Variants in ZNF648 observed in about 807,000 individuals in gnomAD.
The protein encoded by ZNF648 is zinc finger protein 648.
In ZNF648, 1 loss-of-function variant was observed where a neutral mutation model predicts 0.3. The observed-to-expected ratio is 3.90, with a 90% CI of 1.39 to 18.51. The LOEUF (loss-of-function observed/expected upper bound fraction) is 18.51, where lower values mean the gene tolerates loss of function less well. Among genes scored for constraint, ZNF648 ranks in the 30% most tolerant of loss-of-function variants. The probability of loss-of-function intolerance (pLI) is 0.11; values close to 1 mark genes in which losing one functional copy is unlikely to be tolerated. For synonymous variants in ZNF648, 376 were observed against 326.8 expected (o/e 1.15, Z -1.62); for missense variants, 874 against 769.7 (o/e 1.14, Z -1.60).
Position 182,057,707 on chromosome 1 carries a change from T to A in ZNF648, c.304A>T (p.Ser102Cys). Residue 102 changes from serine (S) to cysteine (C), a missense_variant, in exon 2 of 2, where the codon AGT becomes TGT. Transcript: ENST00000339948. The part of the protein sequence containing the change: ...QKPVEMSGKA[S>C]WSRDVTKINE... Reference sequence around the variant, plus strand: ...ATCTTTGTCACATCTCTGCTCCAACTGGCTTTCCCAGACATTTCCACTGGT... The same window carrying A: ...ATCTTTGTCACATCTCTGCTCCAACAGGCTTTCCCAGACATTTCCACTGGT... 1 of 1,614,224 alleles carries A rather than the reference T, an allele frequency of 6.2e-7. No individual in the cohort carries two copies. Among genetic ancestry groups the A allele is most frequent in the South Asian group, 1.1e-5 (1 of 91,088 alleles).
Position 182,055,986 on chromosome 1 carries a change from A to G in ZNF648, c.*318T>C. 1 of 334,960 alleles carries G rather than the reference A, an allele frequency of 3.0e-6. No homozygotes were observed. The highest frequency in any genetic ancestry group is 5.5e-6 in the Non-Finnish European group (1 of 182,660). The allele number at this position is 334,960 out of a possible 1,614,324, so 20.7% of individuals were successfully genotyped here. A position where few individuals can be genotyped will look rare whatever the true frequency, so the allele number is the denominator to read the frequency against. On this transcript the variant is annotated 3_prime_UTR_variant, in exon 2 of 2. Transcript: ENST00000339948. The surrounding 1 kb of genome is among the most constrained non-coding windows in gnomAD (Gnocchi z 4.1). Reference sequence around the variant, plus strand: ...CCTGGAGCCCGGCCCAGTGCCCAGCATGTAATTCTAGAAGCAGTTTCTGAT... The same window carrying G: ...CCTGGAGCCCGGCCCAGTGCCCAGCGTGTAATTCTAGAAGCAGTTTCTGAT...
chr1:182,060,294 A>G (rs1365134550), intron 1 of ZNF648, among the ~76,000 whole-genome samples: 1 of 152,086 alleles, frequency 6.6e-6, no homozygotes, highest in African/African-American at 2.4e-5. Context: ...CCTTCTCTCT[A>G]CCTCTGCCCA....
chr1:182,059,065 C>A (rs1206239447), intron 1 of ZNF648, among the ~76,000 whole-genome samples: 1 of 152,214 alleles, frequency 6.6e-6, no homozygotes, highest in East Asian at 1.9e-4. Context: ...TTGTGATCCA[C>A]CTGCCTCGGC....
rs1480877226 is a variant in ZNF648, at chr1:182,057,028, G to A, written c.983C>T (p.Thr328Ile). The A allele has an allele frequency of 1.9e-6, 3 of 1,612,696 alleles. No homozygotes were observed. Among genetic ancestry groups the A allele is most frequent in the Admixed American group, 1.7e-5 (1 of 59,930 alleles). The change falls in exon 2 of 2, where the codon ACC (threonine) becomes ATC (isoleucine). Residue 328 changes from threonine (T) to isoleucine (I), a missense_variant. Thr to Ile is a moderately conservative substitution (Grantham distance 89, BLOSUM62 -1). Transcript: ENST00000339948. ...CGGGTAGGGTTTCTCGCCTGTGTGG[G>A]TGCGGATGTGCTTCCGGTGGTCGGA... is the stretch of plus-strand genomic sequence containing the variant. ...WSSDHRKHIR[T>I]HTGEKPYPCP...
chr1:182,055,718 C>T lies in ZNF648; in HGVS notation c.*586G>A, dbSNP rs16858474. On this transcript the variant is annotated 3_prime_UTR_variant, in exon 2 of 2. Coordinates refer to ENST00000339948, the MANE Select transcript of ZNF648 (RefSeq NM_001009992.1). The surrounding 1 kb of genome is among the most constrained non-coding windows in gnomAD (Gnocchi z 4.1). ...AAGCCAAGACTCATAAAGATATATC[C>T]TAAGGGTAAAGCCATTTCTGCAGTC... is the stretch of plus-strand genomic sequence containing the variant. The T allele has an allele frequency of 6.5e-6, 1 of 153,592 alleles. No individual in the cohort carries two copies. The highest frequency in any genetic ancestry group is 1.4e-5 in the Non-Finnish European group (1 of 69,048). 9.5% of individuals were successfully genotyped at this position (153,592 alleles called of 1,614,324 possible). A position where few individuals can be genotyped will look rare whatever the true frequency, so the allele number is the denominator to read the frequency against.
chr1:182,061,033 C>T (rs566411880), intron 1 of ZNF648, among the ~76,000 whole-genome samples: 7 of 152,212 alleles, frequency 4.6e-5, no homozygotes, highest in Non-Finnish European at 1.0e-4. Context: ...TCTCCAGAGC[C>T]CGTCAGGAGA....
At position 182,055,718 on chromosome 1, in the gene ZNF648, C is replaced by G. The variant is rs16858474; in HGVS notation, c.*586G>C. ...AAGCCAAGACTCATAAAGATATATC[C>G]TAAGGGTAAAGCCATTTCTGCAGTC... On this transcript the variant is annotated 3_prime_UTR_variant, in exon 2 of 2. Transcript: ENST00000339948. This position sits in a 1 kb window ranked among gnomAD's most constrained non-coding sequence, Gnocchi z 4.1. 0.08 allele frequency: 12,253 copies of G among 153,688 alleles called. 607 individuals carry two copies. The highest frequency in any genetic ancestry group is 0.18 in the East Asian group (953 of 5,176). The allele number at this position is 153,688 out of a possible 1,614,324, so 9.5% of individuals were successfully genotyped here.
chr1:182,056,029 C>T lies in ZNF648; in HGVS notation c.*275G>A, dbSNP rs1665898354. On this transcript the variant is annotated 3_prime_UTR_variant, in exon 2 of 2. Transcript: ENST00000339948. ...TTTCTGATTGATTCAGGTTCCCCAA[C>T]CCAAGGAACTCAACGTTTGATCAGC... The T allele has an allele frequency of 1.1e-5, 5 of 438,994 alleles. 1 individual carries two copies. In the South Asian group the frequency reaches 1.7e-4, roughly 15 times the overall value. The allele number at this position is 438,994 out of a possible 1,614,324, so 27.2% of individuals were successfully genotyped here. A position where few individuals can be genotyped will look rare whatever the true frequency, so the allele number is the denominator to read the frequency against.
intron 1 of ZNF648, among the ~76,000 whole-genome samples, 186 bp from the exon 2 acceptor site, chr1:182,058,259 G>A (rs1048117506): frequency 7.9e-5 from 12 of 152,098 alleles, no homozygotes; most frequent in Non-Finnish European, 1.3e-4. Flanking sequence ...ATTCCCTCTG[G>A]AGATCCCACT....
chr1:182,056,125 C>T lies in ZNF648; in HGVS notation c.*179G>A. On this transcript the variant is annotated 3_prime_UTR_variant, in exon 2 of 2. Transcript: ENST00000339948. ...ACACTCAGAACCACTGATGTGAAACCACCCACCTGGGTGCTCTCTCGGTGG... is the reference window on the plus strand; with the variant it reads ...ACACTCAGAACCACTGATGTGAAACTACCCACCTGGGTGCTCTCTCGGTGG... The T allele has an allele frequency of 1.2e-6, 1 of 823,052 alleles. No homozygotes were observed. Among genetic ancestry groups the T allele is most frequent in the Non-Finnish European group, 1.8e-6 (1 of 543,714 alleles). The allele number at this position is 823,052 out of a possible 1,614,324, so 51.0% of individuals were successfully genotyped here. A position where few individuals can be genotyped will look rare whatever the true frequency, so the allele number is the denominator to read the frequency against.
chr1:182,058,820 C>T (rs909164102), intron 1 of ZNF648, among the ~76,000 whole-genome samples: 1 of 152,068 alleles, frequency 6.6e-6, no homozygotes, highest in Non-Finnish European at 1.5e-5. Flanking sequence ...TTTTATGTCT[C>T]ATTTTTGTTT....
rs766716277 is a variant in ZNF648 at position 182,057,901 on chromosome 1, T to C, written c.110A>G (p.Asp37Gly). The C allele has an allele frequency of 3.1e-6, 5 of 1,614,102 alleles. No individual in the cohort carries two copies. The highest frequency in any genetic ancestry group is 1.1e-5 in the South Asian group (1 of 91,088). The change falls in exon 2 of 2, where the codon GAT becomes GGT. Residue 37 changes from aspartate to glycine, a missense_variant. By Grantham distance (94) the Asp-to-Gly change is moderately conservative. Coordinates refer to ENST00000339948, the MANE Select transcript of ZNF648 (RefSeq NM_001009992.1). ...QMLSMNLESDDEDGGEAEKEG... is the reference protein window; with the variant it reads ...QMLSMNLESDGEDGGEAEKEG... ...TTTTTCGGCCTCCCCACCATCTTCA[T>C]CGTCACTCTCTAAGTTCATGCTCAG...
rs1391697451 is a variant in ZNF648 at position 182,057,061 on chromosome 1, G to T, written c.950C>A (p.Thr317Asn). Reference protein sequence around the residue: ...YQCSFCDKAYTWSSDHRKHIR... With the variant: ...YQCSFCDKAYNWSSDHRKHIR... ...GTGCTTCCGGTGGTCGGAGGACCAGGTGTAGGCCTTGTCGCAGAAGGAGCA... is the reference window on the plus strand; with the variant it reads ...GTGCTTCCGGTGGTCGGAGGACCAGTTGTAGGCCTTGTCGCAGAAGGAGCA... Residue 317 changes from threonine (T) to asparagine (N), a missense_variant, in exon 2 of 2, where the codon ACC becomes AAC. Physicochemically the swap from Thr to Asn is moderately conservative, Grantham distance 65 (BLOSUM62 0). Coordinates refer to ENST00000339948, the MANE Select transcript of ZNF648 (RefSeq NM_001009992.1). 6.2e-7 allele frequency: 1 copy of T among 1,613,160 alleles called. No individual in the cohort carries two copies.
upstream of ZNF648, chr1:182,063,398 G>C (rs1387922123): frequency 1.3e-5 from 2 of 152,160 alleles, no homozygotes; most frequent in African/African-American, 4.8e-5. Flanking sequence ...TCGCCATTCT[G>C]ACTGGCATGA....
Position 182,056,910 on chromosome 1 carries a change from G to A in ZNF648, c.1101C>T (p.Ser367=), listed in dbSNP as rs752457526. ...GCTTGTTGAAGGTCAGGCCGCACTC[G>A]GAGCACGGGAAGGGCTTATTGTTGC... The part of the protein sequence containing the change: ...MHSNNKPFPC[S]ECGLTFNKPL... Residue 367 remains serine, a synonymous_variant, in exon 2 of 2, where the codon TCC becomes TCT. Transcript: ENST00000339948. The A allele has an allele frequency of 9.4e-6, 15 of 1,598,986 alleles. No individual in the cohort carries two copies. The South Asian group carries it at 1.7e-4, about 18-fold the overall frequency.
In ZNF648 at chr1:182,057,496, T is replaced by G. The variant is rs1249611518; in HGVS notation, c.515A>C (p.Lys172Thr). Residue 172 changes from lysine to threonine, a missense_variant, in exon 2 of 2, where the codon AAG becomes ACG. Lys to Thr is a moderately conservative substitution (Grantham distance 78, BLOSUM62 -1). Coordinates refer to ENST00000339948, the MANE Select transcript of ZNF648 (RefSeq NM_001009992.1). ...TACACTTTTGTGCGCACAGAGATAC[T>G]TTCCATTGCTGGGGAAGCTGGGTGG... ...DVPPSFPSNGKYLCAHKSVDT... is the reference protein window; with the variant it reads ...DVPPSFPSNGTYLCAHKSVDT... The G allele has an allele frequency of 6.8e-6, 11 of 1,614,110 alleles. No individual in the cohort carries two copies. The highest frequency in any genetic ancestry group is 9.3e-6 in the Non-Finnish European group (11 of 1,180,046).
In ZNF648 at chr1:182,057,283, C is replaced by T; in HGVS notation, c.728G>A (p.Gly243Glu). The T allele has an allele frequency of 6.3e-7, 1 of 1,594,350 alleles. No individual in the cohort carries two copies. Among genetic ancestry groups the T allele is most frequent in the Non-Finnish European group, 8.5e-7 (1 of 1,175,482 alleles). ...VQNQAGRREG[G>E]EAEARPYRCL... ...CCTGTAGGGACGCGCCTCAGCCTCT[C>T]CGCCCTCGCGCCGGCCCGCCTGGTT... is the stretch of plus-strand genomic sequence containing the variant. Residue 243 changes from glycine to glutamate, a missense_variant, in exon 2 of 2, where the codon GGA becomes GAA. Physicochemically the swap from Gly to Glu is moderately conservative, Grantham distance 98. Transcript: ENST00000339948.
At chr1:182,059,914 C>T (rs1362971730) in intron 1 of ZNF648, among the ~76,000 whole-genome samples, 1 of 152,154 alleles carries the variant, frequency 6.6e-6, no homozygotes, top group Non-Finnish European at 1.5e-5. Context: ...CCACACAGCT[C>T]ATAGACAGCA....
Position 182,057,414 on chromosome 1 carries a change from C to T in ZNF648, c.597G>A (p.Trp199Ter), listed in dbSNP as rs1665949522. The T allele has an allele frequency of 6.2e-7, 1 of 1,614,064 alleles. No homozygotes were observed. Among genetic ancestry groups the T allele is most frequent in the African/African-American group, 1.3e-5 (1 of 75,068 alleles). Reference sequence around the variant, plus strand: ...TATGTGTCTCTTGCGTGGGAAGGTCCCAGTTGCTCCCCGGCCTGGGGAAAC... The same window carrying T: ...TATGTGTCTCTTGCGTGGGAAGGTCTCAGTTGCTCCCCGGCCTGGGGAAAC... ...LLCFPRPGSN[W>*]DLPTQETHTP... is the part of the protein sequence containing the mutation. Residue 199 changes from tryptophan to a stop codon, truncating the protein, a stop_gained, in exon 2 of 2, where the codon TGG becomes TGA. Transcript: ENST00000339948. LOFTEE classifies it low-confidence loss of function (END_TRUNC).
Sources: allele counts gnomAD v4.1 joint callset (sites outside exome capture counted in the v4.1 genomes callset), GRCh38; gene constraint gnomAD v4.1.1; non-coding constraint Gnocchi (gnomAD v3.1); transcripts MANE v1.5; gene names NCBI Gene and HGNC (gene_info 2026-07-23, HGNC 2026-07-21).